ZNF516: variants seen among roughly 807,000 people sequenced by gnomAD.
The protein encoded by ZNF516 is zinc finger protein 516.
A neutral mutation model predicts 79.7 loss-of-function variants in ZNF516; 19 were observed. The ratio of observed to expected loss-of-function variants is 0.24; its 90% CI spans 0.17 to 0.35. ZNF516 has a LOEUF of 0.35. Among genes scored for constraint, ZNF516 ranks in the 10% least tolerant of loss-of-function variants. The probability of loss-of-function intolerance (pLI) is 1.00; values close to 1 mark genes in which losing one functional copy is unlikely to be tolerated. For synonymous variants in ZNF516, 877 were observed against 739.5 expected (o/e 1.19, Z -3.02); for missense variants, 1,678 against 1,679.5 (o/e 1.00, Z 0.02).
Position 76,441,435 on chromosome 18 carries a change from C to T in ZNF516, c.1620G>A (p.Ala540=), listed in dbSNP as rs775219263. Residue 540 remains alanine, a synonymous_variant, in exon 3 of 7, where the codon GCG becomes GCA. Transcript: ENST00000443185. ...CCCCGTCACTGTCCCTCTCGCGGCG[C>T]GCGCGGCGATGCACGCGTGAGTGCA... ...MVLHSRVHRR[A]RRERDSDGDR... 1.2e-6 allele frequency: 2 copies of T among 1,607,198 alleles called. No individual in the cohort carries two copies. The highest frequency in any genetic ancestry group is 2.2e-5 in the South Asian group (2 of 90,706).
rs77231249 is a variant in ZNF516, at chr18:76,425,158, A to C, written c.1810+16087T>G. On this transcript the variant is annotated intron_variant, in intron 3 of 6. Coordinates refer to ENST00000443185, the MANE Select transcript of ZNF516 (RefSeq NM_014643.4). ...GGTTCCAGAACCTTCTACATCAATT[A>C]TACACCCATCTCTCAAAAAAAAGAA... 7.5e-3 allele frequency among the ~76,000 whole-genome samples: 1,138 copies of C among 152,168 alleles called. 13 individuals carry two copies. The highest frequency in any genetic ancestry group is 0.025 in the African/African-American group (1,041 of 41,486).
rs542596709 is a variant in ZNF516 at position 76,441,550 on chromosome 18, T to C, written c.1505A>G (p.Asn502Ser). 13 of 1,544,318 alleles carry C rather than the reference T, an allele frequency of 8.4e-6. No homozygotes were observed. In the Middle Eastern group the frequency reaches 6.7e-4, roughly 80 times the overall value. Reference sequence around the variant, plus strand: ...GCCGGTGGTGGCTGCGGCCCTGCGGTTGGGGCGCGCGGCCGAGCGGGGATC... The same window carrying C: ...GCCGGTGGTGGCTGCGGCCCTGCGGCTGGGGCGCGCGGCCGAGCGGGGATC... ...HLDPRSAARP[N>S]RRAAATTGQG... Residue 502 changes from asparagine (N) to serine (S), a missense_variant, in exon 3 of 7, where the codon AAC (asparagine) becomes AGC (serine). Coordinates refer to ENST00000443185, the MANE Select transcript of ZNF516 (RefSeq NM_014643.4).
intron 1 of ZNF516, among the ~76,000 whole-genome samples, chr18:76,480,048 T>A: frequency 6.6e-6 from 1 of 150,426 alleles, no homozygotes; most frequent in Non-Finnish European, 1.5e-5. Context: ...CGGCGGTTTG[T>A]GGCGGGGCGC....
chr18:76,441,392 G>A lies in ZNF516; in HGVS notation c.1663C>T (p.Arg555Cys), dbSNP rs762206848. 25 of 1,609,578 alleles carry A rather than the reference G, an allele frequency of 1.6e-5. No individual in the cohort carries two copies. Among genetic ancestry groups the A allele is most frequent in the African/African-American group, 6.7e-5 (5 of 74,856 alleles). ...TCACCCTCACTGAGTGATCCGCAGC[G>A]GGCCCGCGCCGCCCTGTCCCCGTCA... is the stretch of plus-strand genomic sequence containing the variant. ...DSDGDRAARA[R>C]CGSLSEGDSA... Residue 555 changes from arginine (R) to cysteine (C), a missense_variant, in exon 3 of 7, where the codon CGC (arginine) becomes TGC (cysteine). Arg to Cys is a radical substitution (Grantham distance 180, BLOSUM62 -3). Around this residue, in one of 5 missense-constraint regions of ZNF516, gnomAD observed 1,294 missense variants for 1,248.3 expected, o/e 1.04. Transcript: ENST00000443185.
At chr18:76,423,778 C>T (rs2075545305) in intron 3 of ZNF516, among the ~76,000 whole-genome samples, 1 of 149,530 alleles carries the variant, frequency 6.7e-6, no homozygotes. Flanking sequence ...GAAACACACG[C>T]AGGTGAAAAG....
At chr18:76,367,640 A>C (rs1313329034) in intron 6 of ZNF516, among the ~76,000 whole-genome samples, 1 of 152,062 alleles carries the variant, frequency 6.6e-6, no homozygotes. Context: ...ATAGTCTTCC[A>C]AGCGCCTCCA....
At chr18:76,450,192 G>GGGA (rs1555714198) in intron 2 of ZNF516, among the ~76,000 whole-genome samples, 3 of 137,784 alleles carry the variant, frequency 2.2e-5, no homozygotes, top group East Asian at 4.4e-4. Flanking sequence ...AAAGGGGGGG[G>GGGA]GGTGTTTATT....
At chr18:76,366,159 A>C (rs1205565842) in intron 6 of ZNF516, among the ~76,000 whole-genome samples, 3 of 152,214 alleles carry the variant, frequency 2.0e-5, no homozygotes, top group Non-Finnish European at 4.4e-5. Flanking sequence ...AATTAAACTG[A>C]CTTTAATTAT....
chr18:76,378,828 G>A, intron 4 of ZNF516, 27 bp downstream of exon 4: 1 of 1,597,242 alleles, frequency 6.3e-7, no homozygotes, highest in Non-Finnish European at 8.5e-7. Flanking sequence ...CATGTGGCCT[G>A]GGGAAGAGAG....
At chr18:76,369,394 C>T (rs2074666666) in intron 6 of ZNF516, among the ~76,000 whole-genome samples, 1 of 152,036 alleles carries the variant, frequency 6.6e-6, no homozygotes, top group Admixed American at 6.6e-5. Context: ...TAACAATACA[C>T]AGAAATTCCA....
At chr18:76,403,929 C>T (rs916505646) in intron 3 of ZNF516, among the ~76,000 whole-genome samples, 3 of 152,220 alleles carry the variant, frequency 2.0e-5, no homozygotes, top group Non-Finnish European at 4.4e-5. Flanking sequence ...ACAAAAAGCA[C>T]AGGTCCAAGG....
At chr18:76,494,245 G>A (rs778707780) in intron 1 of ZNF516, among the ~76,000 whole-genome samples, 2 of 152,126 alleles carry the variant, frequency 1.3e-5, no homozygotes, top group Non-Finnish European at 2.9e-5. Context: ...AATACTGATC[G>A]TAACTATTCA....
chr18:76,458,818 C>T (rs117195651), intron 2 of ZNF516, among the ~76,000 whole-genome samples: 8,959 of 139,398 alleles, frequency 0.064, 295 homozygotes, highest in African/African-American at 0.084. Flanking sequence ...CACCGTCGTG[C>T]GTGTGCGTGC....
chr18:76,443,083 G>C lies in ZNF516; in HGVS notation c.-29C>G. 6.4e-7 allele frequency: 1 copy of C among 1,552,134 alleles called. No individual in the cohort carries two copies. On this transcript the variant is annotated 5_prime_UTR_variant, in exon 3 of 7. Coordinates refer to ENST00000443185, the MANE Select transcript of ZNF516 (RefSeq NM_014643.4). ...AAGGACGGGCGCGGCCGGTGGTGGC[G>C]GCACAGCTTTCTGTCGCGCGGGCTG...
At chr18:76,444,567 G>A (rs902667494) in intron 2 of ZNF516, among the ~76,000 whole-genome samples, 10 of 152,170 alleles carry the variant, frequency 6.6e-5, no homozygotes, top group African/African-American at 1.7e-4. Context: ...AAGATGACAG[G>A]GCCACCCACG....
At chr18:76,367,848 G>A (rs1226083713) in intron 6 of ZNF516, among the ~76,000 whole-genome samples, 1 of 152,152 alleles carries the variant, frequency 6.6e-6, no homozygotes, top group African/African-American at 2.4e-5. Context: ...TTATAAAATG[G>A]AATTTCCAAA....
intron 3 of ZNF516, among the ~76,000 whole-genome samples, chr18:76,440,134 G>A (rs1211112331): frequency 6.6e-6 from 1 of 152,208 alleles, no homozygotes; most frequent in Non-Finnish European, 1.5e-5. Flanking sequence ...TTTGCTACAG[G>A]AGAAAAGACT....
At chr18:76,428,693 C>T (rs900882215) in intron 3 of ZNF516, among the ~76,000 whole-genome samples, 1 of 152,192 alleles carries the variant, frequency 6.6e-6, no homozygotes, top group Non-Finnish European at 1.5e-5. Flanking sequence ...TCTACACATA[C>T]GCTTACACAA....
chr18:76,402,567 G>GT (rs762708742), intron 3 of ZNF516, among the ~76,000 whole-genome samples: 2 of 152,190 alleles, frequency 1.3e-5, no homozygotes, highest in African/African-American at 2.4e-5. Flanking sequence ...AGAGGAAGAC[G>GT]TTGCTTCTCC....
Sources: allele counts gnomAD v4.1 joint callset (sites outside exome capture counted in the v4.1 genomes callset), GRCh38; gene constraint gnomAD v4.1.1; regional missense constraint gnomAD v4.1.1; transcripts MANE v1.5; gene names NCBI Gene and HGNC (gene_info 2026-07-23, HGNC 2026-07-21).